PI4KA: variants seen among roughly 807,000 people sequenced by gnomAD.
The protein encoded by PI4KA is PI4-kinase alpha.
Under a neutral mutation model 271.4 loss-of-function variants are expected in PI4KA, and 122 were observed. The observed-to-expected ratio is 0.45, with a 90% CI of 0.39 to 0.52. PI4KA has a LOEUF of 0.52. Among genes scored for constraint, PI4KA ranks in the 20% least tolerant of loss-of-function variants. The probability of loss-of-function intolerance (pLI) is 0.00; values close to 1 mark genes in which losing one functional copy is unlikely to be tolerated. For missense variants in PI4KA, 1,969 were observed against 2,769.1 expected (o/e 0.71, Z 6.48); for synonymous variants, 1,041 against 1,078.8 (o/e 0.96, Z 0.69).
intron 32 of PI4KA, among the ~76,000 whole-genome samples, chr22:20,738,578 G>C (rs954692297): frequency 6.6e-6 from 1 of 152,116 alleles, no homozygotes; most frequent in South Asian, 2.1e-4. Context: ...TCAGGTCCTT[G>C]TGGAGGCAGA....
intron 11 of PI4KA, 79 bp from the exon 12 acceptor site, chr22:20,804,479 C>T (rs1601535507): frequency 1.0e-6 from 1 of 990,380 alleles, no homozygotes; most frequent in East Asian, 2.4e-5. Flanking sequence ...CAAGTAAGCA[C>T]AGAATTTAAT....
At chr22:20,833,921 G>A (rs1348946513) in intron 3 of PI4KA, among the ~76,000 whole-genome samples, 1 of 151,914 alleles carries the variant, frequency 6.6e-6, no homozygotes, top group African/African-American at 2.4e-5. Flanking sequence ...GCCTCCCAAA[G>A]TGCTGGGATT....
At chr22:20,743,146 C>T (rs1211323104) in intron 30 of PI4KA, among the ~76,000 whole-genome samples, 1 of 152,098 alleles carries the variant, frequency 6.6e-6, no homozygotes, top group Non-Finnish European at 1.5e-5. Flanking sequence ...CAATATCAGC[C>T]TCATTATTAT....
intron 4 of PI4KA, among the ~76,000 whole-genome samples, chr22:20,822,342 T>C (rs974606874): frequency 2.0e-5 from 3 of 151,976 alleles, no homozygotes; most frequent in African/African-American, 7.3e-5. Context: ...CCACCATCCA[T>C]GACAATAAGC....
intron 11 of PI4KA, 29 bp from the exon 12 acceptor site, chr22:20,804,429 G>A: frequency 1.4e-6 from 2 of 1,468,580 alleles, no homozygotes; most frequent in South Asian, 1.1e-5. Context: ...GAGGAGATGA[G>A]TGATCAGCAC....
rs73877758 is a variant in PI4KA at position 20,714,771 on chromosome 22, A to T, written c.5318-71T>A. 8,723 of 1,537,460 alleles carry T rather than the reference A, an allele frequency of 5.7e-3. 379 individuals carry two copies. In the African/African-American group the frequency reaches 0.099, roughly 18 times the overall value. On this transcript the variant is annotated intron_variant, in intron 45 of 54. Transcript: ENST00000255882. ...AGGTGAGCCAGAGTCAGTTTCCAAC[A>T]CGGATGTTACATGCGTGTCCACCCT...
At chr22:20,858,320 C>G (rs1423537158) in intron 1 of PI4KA, among the ~76,000 whole-genome samples, 1 of 152,060 alleles carries the variant, frequency 6.6e-6, no homozygotes, top group Non-Finnish European at 1.5e-5. Flanking sequence ...CCCCCACCCC[C>G]ATCCCACAAC....
intron 39 of PI4KA, among the ~76,000 whole-genome samples, chr22:20,728,689 G>A (rs1013666264): frequency 2.0e-5 from 3 of 152,242 alleles, no homozygotes; most frequent in Non-Finnish European, 4.4e-5. Flanking sequence ...CTATTCCAGA[G>A]GATCAAAGTA....
chr22:20,778,858 T>C (rs544732353), intron 19 of PI4KA, among the ~76,000 whole-genome samples: 3 of 152,298 alleles, frequency 2.0e-5, no homozygotes, highest in East Asian at 3.9e-4. Context: ...TCTGGCAGCA[T>C]TATTTTGAGA....
rs1470651331 is a variant in PI4KA, at chr22:20,819,806, G to A, written c.624C>T (p.Leu208=). ...GGGAATGAGGAGGGATTTTGGGAAA[G>A]AGCTTTGAGAGGAGAGACTCTTCCA... is the stretch of plus-strand genomic sequence containing the variant. ...SNMEESLLSK[L]FPKIPPHSLR... is the part of the protein sequence containing the mutation. The change falls in exon 6 of 55, where the codon CTC becomes CTT. Residue 208 remains leucine (L), a synonymous_variant. Coordinates refer to ENST00000255882, the MANE Select transcript of PI4KA (RefSeq NM_058004.4). 1 of 1,614,092 alleles carries A rather than the reference G, an allele frequency of 6.2e-7. No homozygotes were observed. Among genetic ancestry groups the A allele is most frequent in the South Asian group, 1.1e-5 (1 of 91,094 alleles).
intron 42 of PI4KA, 27 bp from the exon 43 acceptor site, chr22:20,721,445 C>G (rs941421912): frequency 4.3e-6 from 7 of 1,611,248 alleles, no homozygotes; most frequent in Non-Finnish European, 5.9e-6. Flanking sequence ...TCCCTGTCAG[C>G]CAGGCTCGGC....
chr22:20,843,550 G>C (rs746210549), intron 1 of PI4KA, among the ~76,000 whole-genome samples: 16 of 152,168 alleles, frequency 1.1e-4, no homozygotes, highest in Non-Finnish European at 1.9e-4. Flanking sequence ...CGAAGTTCAT[G>C]TGCTGCACTG....
At position 20,742,651 on chromosome 22, in the gene PI4KA, C is replaced by T. The variant is rs151248814; in HGVS notation, c.3570G>A (p.Thr1190=). The change falls in exon 31 of 55, where the codon ACG becomes ACA. Residue 1190 remains threonine (T), a synonymous_variant. Transcript: ENST00000255882. The stretch of plus-strand genomic sequence containing the variant: ...TTGCGGTCAGCTTGAACATGGCCTG[C>T]GTGTAGTGCTGAGGATGACTGCGGT... ...ALDRSHPQHY[T]QAMFKLTAML... is the part of the protein sequence containing the mutation. The T allele has an allele frequency of 7.2e-5, 116 of 1,614,110 alleles. No individual in the cohort carries two copies. The highest frequency in any genetic ancestry group is 1.6e-4 in the Middle Eastern group (1 of 6,062).
Position 20,755,367 on chromosome 22 carries a change from C to T in PI4KA, c.2792-2187G>A, listed in dbSNP as rs1474625664. 3.3e-5 allele frequency among the ~76,000 whole-genome samples: 5 copies of T among 152,300 alleles called. No homozygotes were observed. The East Asian group carries it at 9.6e-4, about 29-fold the overall frequency. The stretch of plus-strand genomic sequence containing the variant: ...TTCTGGTGTAACAAGGTGCCCCAGG[C>T]TCATCCTGTACAGGCCTCCCTAGAA... On this transcript the variant is annotated intron_variant, in intron 23 of 54. Coordinates refer to ENST00000255882, the MANE Select transcript of PI4KA (RefSeq NM_058004.4).
chr22:20,819,979 T>C lies in PI4KA; in HGVS notation c.530-79A>G. The C allele has an allele frequency of 3.2e-6, 4 of 1,261,816 alleles. No individual in the cohort carries two copies. The South Asian group carries it at 5.5e-5, about 17-fold the overall frequency. The allele number at this position is 1,261,816 out of a possible 1,614,324, so 78.2% of individuals were successfully genotyped here. A position where few individuals can be genotyped will look rare whatever the true frequency, so the allele number is the denominator to read the frequency against. ...TATAGTAAGTACTAACTTGTAACAT[T>C]GACTAAGATTTCACAACCCACCCAC... On this transcript the variant is annotated intron_variant, in intron 5 of 54. Coordinates refer to ENST00000255882, the MANE Select transcript of PI4KA (RefSeq NM_058004.4).
chr22:20,735,664 C>A (rs1472423751), intron 32 of PI4KA, among the ~76,000 whole-genome samples: 1 of 152,178 alleles, frequency 6.6e-6, no homozygotes, highest in African/African-American at 2.4e-5. Flanking sequence ...GGCACAGAAG[C>A]CATCTGGAGG....
At chr22:20,714,161 C>A (rs146098392) in intron 47 of PI4KA, among the ~76,000 whole-genome samples, 2 of 152,014 alleles carry the variant, frequency 1.3e-5, no homozygotes, top group African/African-American at 4.8e-5. Flanking sequence ...ATCGTCCGTA[C>A]GGTAGCCCTG....
chr22:20,825,750 G>C (rs555989520), intron 3 of PI4KA, among the ~76,000 whole-genome samples: 1 of 152,298 alleles, frequency 6.6e-6, no homozygotes, highest in South Asian at 2.1e-4. Flanking sequence ...TTTATTTCAG[G>C]TTCAGGGGTA....
chr22:20,844,610 C>T (rs960982268), intron 1 of PI4KA, among the ~76,000 whole-genome samples: 1 of 152,214 alleles, frequency 6.6e-6, no homozygotes, highest in Non-Finnish European at 1.5e-5. Context: ...GCAAAATGCT[C>T]TTGGAAACTG....
Sources: gnomAD v4.1 joint callset for allele counts (sites outside exome capture counted in the v4.1 genomes callset) on GRCh38, gnomAD v4.1.1 for gene constraint, MANE v1.5 for transcripts, NCBI Gene and HGNC (gene_info 2026-07-23, HGNC 2026-07-21) for gene names.